Variants in MAMDC2 observed in about 807,000 individuals in gnomAD.
MAMDC2 encodes MAM domain-containing protein 2.
Under a neutral mutation model 89.8 loss-of-function variants are expected in MAMDC2, and 57 were observed. That is an observed-to-expected ratio of 0.63 (90% CI 0.51 to 0.79). MAMDC2 has a LOEUF of 0.79. Ranked by LOEUF, MAMDC2 falls within the 30% of genes least tolerant of loss-of-function variation. MAMDC2 has a pLI of 0.00. For missense variants in MAMDC2, 800 were observed against 820.6 expected (o/e 0.97, Z 0.31); for synonymous variants, 313 against 293.4 (o/e 1.07, Z -0.68).
Position 70,170,648 on chromosome 9 carries a change from G to C in MAMDC2, c.1651+17G>C. 6.4e-7 allele frequency: 1 copy of C among 1,556,472 alleles called. No individual in the cohort carries two copies. Among genetic ancestry groups the C allele is most frequent in the African/African-American group, 1.4e-5 (1 of 72,358 alleles). ...CTGGGGTAGGTGAGTTATGCCACGT[G>C]GTGCTGTTTCCTAAGGAAAGCTTCT... is the stretch of plus-strand genomic sequence containing the variant. On this transcript the variant is annotated intron_variant, in intron 11 of 13. Coordinates refer to ENST00000377182, the MANE Select transcript of MAMDC2 (RefSeq NM_153267.5).
chr9:70,091,352 A>G (rs1216629750), intron 2 of MAMDC2, among the ~76,000 whole-genome samples: 2 of 152,116 alleles, frequency 1.3e-5, no homozygotes, highest in Non-Finnish European at 2.9e-5. Flanking sequence ...AGCCTTCAGG[A>G]AGACCTAATC....
intron 2 of MAMDC2, among the ~76,000 whole-genome samples, chr9:70,054,274 C>T (rs1365338818): frequency 6.6e-6 from 1 of 152,090 alleles, no homozygotes; most frequent in African/African-American, 2.4e-5. Context: ...AAAGTAATAA[C>T]AGCAGGAGGC....
At chr9:70,090,564 A>G (rs1325921526) in intron 2 of MAMDC2, 3 of 151,520 alleles carry the variant, frequency 2.0e-5, no homozygotes, top group Non-Finnish European at 4.4e-5. Flanking sequence ...ACCATTTTTT[A>G]TCTATCAAAT....
At chr9:70,111,115 T>G (rs1828500455) in intron 4 of MAMDC2, among the ~76,000 whole-genome samples, 1 of 152,144 alleles carries the variant, frequency 6.6e-6, no homozygotes, top group South Asian at 2.1e-4. Context: ...GGCTTCCACC[T>G]GGCATCTGCA....
intron 2 of MAMDC2, among the ~76,000 whole-genome samples, chr9:70,072,321 GA>G (rs1386444597): frequency 6.6e-6 from 1 of 152,284 alleles, no homozygotes; most frequent in African/African-American, 2.4e-5. Context: ...TGGGGTGACT[GA>G]TCTGCCTAAA....
chr9:70,098,747 A>G (rs1420449556), intron 2 of MAMDC2, among the ~76,000 whole-genome samples: 1 of 152,208 alleles, frequency 6.6e-6, no homozygotes, highest in African/African-American at 2.4e-5. Flanking sequence ...GTGCAGGGGA[A>G]AAGGCATGGA....
At chr9:70,151,616 G>C (rs1383744158) in intron 9 of MAMDC2, among the ~76,000 whole-genome samples, 1 of 152,136 alleles carries the variant, frequency 6.6e-6, no homozygotes, top group Non-Finnish European at 1.5e-5. Flanking sequence ...TTTAGTGCAG[G>C]GTATCTTTGG....
chr9:70,155,586 G>A (rs533705942), intron 9 of MAMDC2, among the ~76,000 whole-genome samples: 33 of 151,986 alleles, frequency 2.2e-4, no homozygotes, highest in African/African-American at 5.8e-4. Flanking sequence ...TCCTGCATTC[G>A]ACACCGATGA....
rs764750166 is a variant in MAMDC2 at position 70,061,237 on chromosome 9, C to T, written c.148+16540C>T. ...CACTTTACCTTGGTTCACACAACCACCCTCTGAGGTGAGTGACATCCCTTC... is the reference window on the plus strand; with the variant it reads ...CACTTTACCTTGGTTCACACAACCATCCTCTGAGGTGAGTGACATCCCTTC... On this transcript the variant is annotated intron_variant, in intron 2 of 13. Transcript: ENST00000377182. Among the ~76,000 whole-genome samples, 8 of 152,170 alleles carry T rather than the reference C, an allele frequency of 5.3e-5. 1 individual carries two copies. The highest frequency in any genetic ancestry group is 8.8e-5 in the Non-Finnish European group (6 of 68,042).
chr9:70,198,276 G>C (rs1221717278), intron 11 of MAMDC2, among the ~76,000 whole-genome samples: 1 of 151,474 alleles, frequency 6.6e-6, no homozygotes, highest in African/African-American at 2.4e-5. Context: ...TATACAGTTT[G>C]GTACTATCCA....
At chr9:70,084,635 A>C (rs1827726819) in intron 2 of MAMDC2, among the ~76,000 whole-genome samples, 1 of 152,122 alleles carries the variant, frequency 6.6e-6, no homozygotes, top group African/African-American at 2.4e-5. Context: ...ATCTTTTATT[A>C]ACTTGATTAA....
intron 8 of MAMDC2, 41 bp downstream of exon 8, chr9:70,140,329 TC>T: frequency 2.0e-6 from 3 of 1,535,778 alleles, no homozygotes; most frequent in Non-Finnish European, 2.6e-6. Flanking sequence ...TCTTGGGTAG[TC>T]GTGAGCTTTA....
At position 70,126,252 on chromosome 9, in the gene MAMDC2, G is replaced by T. The variant is rs1415247666; in HGVS notation, c.737G>T (p.Cys246Phe). 6.2e-7 allele frequency: 1 copy of T among 1,614,162 alleles called. No individual in the cohort carries two copies. Among genetic ancestry groups the T allele is most frequent in the African/African-American group, 1.3e-5 (1 of 75,044 alleles). ...SPLTTAPMAG[C>F]LSFYYQIQQG... ...TTGACCACGGCCCCCATGGCTGGCT[G>T]CCTGTCATTTTATTACCAGATCCAG... Residue 246 changes from cysteine to phenylalanine, a missense_variant, in exon 6 of 14, where the codon TGC (cysteine) becomes TTC (phenylalanine). Physicochemically the swap from Cys to Phe is radical, Grantham distance 205. Coordinates refer to ENST00000377182, the MANE Select transcript of MAMDC2 (RefSeq NM_153267.5).
At chr9:70,212,431 C>T (rs539790886) in intron 11 of MAMDC2, among the ~76,000 whole-genome samples, 9 of 152,354 alleles carry the variant, frequency 5.9e-5, no homozygotes, top group East Asian at 1.9e-4. Flanking sequence ...CTGAGCCAGG[C>T]ACGGGATATA....
chr9:70,106,856 T>C (rs890435803), intron 2 of MAMDC2, among the ~76,000 whole-genome samples: 3 of 152,000 alleles, frequency 2.0e-5, no homozygotes, highest in African/African-American at 4.8e-5. Context: ...GTGTCCCTCA[T>C]GTGAGGATGG....
intron 11 of MAMDC2, chr9:70,194,389 A>C (rs937761308): frequency 2.6e-5 from 4 of 152,084 alleles, no homozygotes; most frequent in Non-Finnish European, 4.4e-5. Flanking sequence ...TCCCTTGTGA[A>C]TGGGATTGAG....
chr9:70,092,524 T>G (rs1414019748), intron 2 of MAMDC2: 1 of 152,134 alleles, frequency 6.6e-6, no homozygotes, highest in Non-Finnish European at 1.5e-5. Context: ...GACATGGTAT[T>G]AGACTGCAGT....
chr9:70,044,644 C>T lies in MAMDC2; in HGVS notation c.95C>T (p.Thr32Ile), dbSNP rs1007234617. The T allele has an allele frequency of 2.8e-5, 43 of 1,551,536 alleles. No homozygotes were observed. The highest frequency in any genetic ancestry group is 4.9e-5 in the East Asian group (2 of 40,924). The change falls in exon 2 of 14, where the codon ACT becomes ATT. Residue 32 changes from threonine to isoleucine, a missense_variant. By Grantham distance (89) the Thr-to-Ile change is moderately conservative. Coordinates refer to ENST00000377182, the MANE Select transcript of MAMDC2 (RefSeq NM_153267.5). ...GGGTCCTGTGCCTTTGAAGAGAGCA[C>T]TTGCGGCTTTGACTCCGTGTTGGCC... ...PAGSCAFEES[T>I]CGFDSVLASL...
chr9:70,135,428 G>A (rs2030966459), intron 7 of MAMDC2, among the ~76,000 whole-genome samples: 1 of 152,150 alleles, frequency 6.6e-6, no homozygotes. Flanking sequence ...GGTAGAAGCA[G>A]CACTCTAGGT....
Sources: allele counts gnomAD v4.1 joint callset (sites outside exome capture counted in the v4.1 genomes callset), GRCh38; gene constraint gnomAD v4.1.1; transcripts MANE v1.5; gene names NCBI Gene and HGNC (gene_info 2026-07-23, HGNC 2026-07-21).